Variants in TRPM8 observed in about 807,000 individuals in gnomAD.
TRPM8 encodes the protein TRPM8 cationic channel.
A neutral mutation model predicts 133.7 loss-of-function variants in TRPM8; 110 were observed. The observed-to-expected ratio is 0.82, with a 90% CI of 0.70 to 0.96. The LOEUF (loss-of-function observed/expected upper bound fraction) is 0.96, where lower values mean the gene tolerates loss of function less well. Ranked by LOEUF, TRPM8 falls within the 40% of genes least tolerant of loss-of-function variation. The pLI is 0.00. For synonymous variants in TRPM8, 535 were observed against 532.3 expected (o/e 1.01, Z -0.07); for missense variants, 1,291 against 1,379.5 (o/e 0.94, Z 1.02).
chr2:234,004,024 A>C (rs1434922201), intron 22 of TRPM8, among the ~76,000 whole-genome samples: 1 of 152,202 alleles, frequency 6.6e-6, no homozygotes, highest in East Asian at 1.9e-4. Context: ...ATATGACTAT[A>C]AAATGGAAAC....
chr2:233,937,506 G>C lies in TRPM8; in HGVS notation c.345G>C (p.Gly115=). ...AGTTTGAGACACTGGGGAAGAAAGGGAAGGTAAGCAATGGTTTTCTACTTT... is the reference window on the plus strand; with the variant it reads ...AGTTTGAGACACTGGGGAAGAAAGGCAAGGTAAGCAATGGTTTTCTACTTT... ...DIQFETLGKK[G]KYIRLSCDTD... is the part of the protein sequence containing the mutation. Residue 115 remains glycine (G), a synonymous_variant, in exon 4 of 26, where the codon GGG becomes GGC. Coordinates refer to ENST00000324695, the MANE Select transcript of TRPM8 (RefSeq NM_024080.5). 1 of 1,612,626 alleles carries C rather than the reference G, an allele frequency of 6.2e-7. No homozygotes were observed. Among genetic ancestry groups the C allele is most frequent in the Non-Finnish European group, 8.5e-7 (1 of 1,179,312 alleles).
intron 17 of TRPM8, among the ~76,000 whole-genome samples, chr2:233,971,226 T>A (rs141798396): frequency 1.6e-3 from 250 of 152,310 alleles, no homozygotes; most frequent in Non-Finnish European, 3.0e-3. Flanking sequence ...CAATGCCGTG[T>A]GCTATGATAG....
intron 22 of TRPM8, among the ~76,000 whole-genome samples, chr2:233,998,321 A>G (rs1315487178): frequency 6.6e-6 from 1 of 152,206 alleles, no homozygotes. Flanking sequence ...TTTTACACCA[A>G]CTAAGTCATA....
chr2:233,921,544 T>C (rs1691407876), intron 1 of TRPM8, among the ~76,000 whole-genome samples: 2 of 152,202 alleles, frequency 1.3e-5, no homozygotes, highest in Non-Finnish European at 2.9e-5. Context: ...CAGCAAAGGA[T>C]GGTGATCACT....
At chr2:233,993,760 G>A (rs1283089183) in intron 21 of TRPM8, among the ~76,000 whole-genome samples, 1 of 152,170 alleles carries the variant, frequency 6.6e-6, no homozygotes, top group Non-Finnish European at 1.5e-5. Flanking sequence ...GGGCCCACTT[G>A]CCAGAGAGAA....
At chr2:233,918,691 A>G (rs1269034868) in intron 1 of TRPM8, among the ~76,000 whole-genome samples, 1 of 152,210 alleles carries the variant, frequency 6.6e-6, no homozygotes, top group Non-Finnish European at 1.5e-5. Context: ...AGGCAATTAG[A>G]AAAACAGGAT....
chr2:233,930,647 T>G (rs1220574330), intron 2 of TRPM8, 21 bp from the exon 3 acceptor site: 3 of 1,543,810 alleles, frequency 1.9e-6, no homozygotes, highest in Non-Finnish European at 2.7e-6. Flanking sequence ...TAATGTGTTA[T>G]TCAATGTTCT....
At chr2:233,933,547 G>T (rs1008118732) in intron 3 of TRPM8, among the ~76,000 whole-genome samples, 19 of 152,130 alleles carry the variant, frequency 1.2e-4, no homozygotes, top group African/African-American at 4.6e-4. Flanking sequence ...TGTCTTCCTG[G>T]CAATTTCTTT....
At chr2:233,940,955 C>T (rs1690891242) in intron 5 of TRPM8, among the ~76,000 whole-genome samples, 3 of 152,210 alleles carry the variant, frequency 2.0e-5, no homozygotes, top group South Asian at 2.1e-4. Flanking sequence ...GTTCATGGCT[C>T]GTCATAGGAC....
At chr2:233,928,847 T>C (rs1691623622) in intron 2 of TRPM8, among the ~76,000 whole-genome samples, 1 of 152,196 alleles carries the variant, frequency 6.6e-6, no homozygotes, top group Admixed American at 6.5e-5. Flanking sequence ...ATAACCACTA[T>C]CCTGAATTTT....
At chr2:233,933,097 G>A (rs919909778) in intron 3 of TRPM8, among the ~76,000 whole-genome samples, 1 of 151,954 alleles carries the variant, frequency 6.6e-6, no homozygotes, top group African/African-American at 2.4e-5. Context: ...GCCACCTTCT[G>A]GCACACTATG....
chr2:234,008,378 G>A (rs1399256791), intron 24 of TRPM8, among the ~76,000 whole-genome samples: 1 of 152,182 alleles, frequency 6.6e-6, no homozygotes, highest in Non-Finnish European at 1.5e-5. Context: ...TGTGGAGGCA[G>A]GTGAAGATGC....
intron 2 of TRPM8, among the ~76,000 whole-genome samples, chr2:233,928,510 CCTT>C (rs1203567655): frequency 6.6e-6 from 1 of 152,122 alleles, no homozygotes; most frequent in Non-Finnish European, 1.5e-5. Context: ...AAATCATCAC[CCTT>C]CTTCCTTGAT....
intron 8 of TRPM8, among the ~76,000 whole-genome samples, chr2:233,949,737 T>TG (rs1691128459): frequency 6.6e-6 from 1 of 152,262 alleles, no homozygotes; most frequent in African/African-American, 2.4e-5. Context: ...GAATTTGTTG[T>TG]GGGGACAAGA....
chr2:233,983,997 G>T (rs957481128), intron 20 of TRPM8, among the ~76,000 whole-genome samples: 1 of 152,146 alleles, frequency 6.6e-6, no homozygotes, highest in African/African-American at 2.4e-5. Flanking sequence ...GTGGTGGAAA[G>T]GCACCTTGGT....
chr2:233,972,926 G>C (rs923224961), intron 17 of TRPM8, among the ~76,000 whole-genome samples: 1 of 152,222 alleles, frequency 6.6e-6, no homozygotes, highest in Non-Finnish European at 1.5e-5. Context: ...ACAGTGCAGC[G>C]GTGGGCTGAA....
rs936170407 is a variant in TRPM8, at chr2:234,018,096, A to G, written c.*840A>G. 6.6e-6 allele frequency: 1 copy of G among 152,086 alleles called. No homozygotes were observed. 9.4% of individuals were successfully genotyped at this position (152,086 alleles called of 1,614,324 possible). On this transcript the variant is annotated 3_prime_UTR_variant, in exon 26 of 26. Transcript: ENST00000324695. Reference sequence around the variant, plus strand: ...TACCTTAAGGTAATCACTGCTAACAATTTCTGGATGGTTTTTCAAGTCTAT... The same window carrying G: ...TACCTTAAGGTAATCACTGCTAACAGTTTCTGGATGGTTTTTCAAGTCTAT...
chr2:233,931,040 A>T (rs1190687296), intron 3 of TRPM8, among the ~76,000 whole-genome samples: 1 of 152,182 alleles, frequency 6.6e-6, no homozygotes, highest in Non-Finnish European at 1.5e-5. Flanking sequence ...TTGGTAATGA[A>T]AGTTGTTTTA....
intron 21 of TRPM8, among the ~76,000 whole-genome samples, chr2:233,993,012 T>A (rs1442774568): frequency 6.6e-6 from 1 of 152,186 alleles, no homozygotes; most frequent in Non-Finnish European, 1.5e-5. Context: ...TCATGTCTAT[T>A]TGGCTGAGTC....
Sources: gnomAD v4.1 joint callset for allele counts (sites outside exome capture counted in the v4.1 genomes callset) on GRCh38, gnomAD v4.1.1 for gene constraint, MANE v1.5 for transcripts, NCBI Gene and HGNC (gene_info 2026-07-23, HGNC 2026-07-21) for gene names.